NOL4L: variants seen among roughly 807,000 people sequenced by gnomAD.
The protein encoded by NOL4L is nucleolar protein 4-like.
In NOL4L, 7 loss-of-function variants were observed where a neutral mutation model predicts 64.5. The observed-to-expected ratio is 0.11, with a 90% CI of 0.06 to 0.20. The LOEUF (loss-of-function observed/expected upper bound fraction) is 0.20. NOL4L is among the 10% of genes least tolerant of loss of function. The probability of loss-of-function intolerance (pLI) is 1.00; values close to 1 mark genes in which losing one functional copy is unlikely to be tolerated. For synonymous variants in NOL4L, 413 were observed against 401.0 expected, an observed-to-expected ratio of 1.03 and a Z score of -0.36; for missense variants, 680 against 967.1, an observed-to-expected ratio of 0.70 and a Z score of 3.94.
intron 1 of NOL4L, among the ~76,000 whole-genome samples, chr20:32,568,211 TCC>T (rs1979550831): frequency 6.6e-6 from 1 of 152,078 alleles, no homozygotes; most frequent in African/African-American, 2.4e-5. Flanking sequence ...TCATGTAGCA[TCC>T]GTTCCCCACA....
At chr20:32,452,091 G>T in intron 10 of NOL4L, 145 bp downstream of exon 10, 1 of 577,782 alleles carries the variant, frequency 1.7e-6, no homozygotes. Flanking sequence ...TGCCAGAGCC[G>T]CCCCTCCTGC....
At chr20:32,512,624 T>TC (rs139294666) in intron 3 of NOL4L, among the ~76,000 whole-genome samples, 2 of 152,250 alleles carry the variant, frequency 1.3e-5, no homozygotes, top group Non-Finnish European at 2.9e-5. Flanking sequence ...GTTTATTTTT[T>TC]CCCTGTGATT....
intron 6 of NOL4L, among the ~76,000 whole-genome samples, chr20:32,455,605 C>T (rs1353421918): frequency 2.0e-5 from 3 of 152,148 alleles, no homozygotes; most frequent in South Asian, 2.1e-4. Flanking sequence ...GGGGGGATGC[C>T]CACTGGTAGG....
intron 5 of NOL4L, among the ~76,000 whole-genome samples, chr20:32,467,137 G>A (rs1257769343): frequency 2.6e-5 from 4 of 152,274 alleles, no homozygotes; most frequent in East Asian, 3.9e-4. Flanking sequence ...ACGGCTTCAC[G>A]CTGTGCTGGG....
intron 4 of NOL4L, among the ~76,000 whole-genome samples, chr20:32,488,859 C>A (rs904810134): frequency 1.7e-4 from 13 of 76,770 alleles, no homozygotes; most frequent in African/African-American, 9.0e-4. Context: ...TTCTTTCTTT[C>A]TTTCTTTCTT....
intron 10 of NOL4L, among the ~76,000 whole-genome samples, chr20:32,451,109 G>T (rs2012855915): frequency 1.3e-5 from 2 of 152,146 alleles, no homozygotes; most frequent in African/African-American, 4.8e-5. Flanking sequence ...TGGGGGCTTA[G>T]GGAATCCTCA....
chr20:32,448,872 A>G (rs1252292834), intron 10 of NOL4L, among the ~76,000 whole-genome samples: 2 of 152,104 alleles, frequency 1.3e-5, no homozygotes, highest in Admixed American at 6.5e-5. Flanking sequence ...TCATTGGCAA[A>G]TTCTTTAACT....
intron 4 of NOL4L, among the ~76,000 whole-genome samples, chr20:32,499,978 A>C (rs770108178): frequency 1.8e-4 from 28 of 152,154 alleles, no homozygotes; most frequent in African/African-American, 6.5e-4. Flanking sequence ...GTAAGTTTTA[A>C]AGGTGTCATC....
At chr20:32,554,912 C>G (rs1264634058) in intron 1 of NOL4L, among the ~76,000 whole-genome samples, 6 of 152,166 alleles carry the variant, frequency 3.9e-5, no homozygotes, top group Admixed American at 3.9e-4. Context: ...AGCTCCCAGC[C>G]CCAAAAGGCT....
At chr20:32,511,207 C>T in intron 4 of NOL4L, 140 bp downstream of exon 4, 2 of 588,206 alleles carry the variant, frequency 3.4e-6, no homozygotes, top group Non-Finnish European at 6.1e-6. Context: ...TCCGCCTGGA[C>T]AACCCAGATA....
chr20:32,489,496 A>G (rs1276352253), intron 4 of NOL4L, among the ~76,000 whole-genome samples: 1 of 152,090 alleles, frequency 6.6e-6, no homozygotes, highest in Non-Finnish European at 1.5e-5. Flanking sequence ...CTGGAATTAC[A>G]GGCATGTGCC....
intron 4 of NOL4L, among the ~76,000 whole-genome samples, chr20:32,500,873 T>A (rs2016897388): frequency 6.6e-6 from 1 of 152,154 alleles, no homozygotes; most frequent in Non-Finnish European, 1.5e-5. Flanking sequence ...TATTGAATGA[T>A]CATCAAAGCA....
intron 4 of NOL4L, among the ~76,000 whole-genome samples, chr20:32,502,975 A>C (rs2016985936): frequency 6.6e-6 from 1 of 152,170 alleles, no homozygotes; most frequent in South Asian, 2.1e-4. Context: ...AAAAAAGGGT[A>C]AAGGGCCACC....
At chr20:32,452,829 C>G in intron 9 of NOL4L, 55 bp downstream of exon 9, 1 of 1,606,328 alleles carries the variant, frequency 6.2e-7, no homozygotes, top group East Asian at 2.2e-5. Flanking sequence ...CATATAAGGC[C>G]TGCCCTCCCT....
intron 1 of NOL4L, among the ~76,000 whole-genome samples, chr20:32,581,763 G>A (rs1980488153): frequency 1.3e-5 from 2 of 152,144 alleles, no homozygotes; most frequent in African/African-American, 2.4e-5. Flanking sequence ...CCCAGTGCCC[G>A]CACAAGGACT....
intron 1 of NOL4L, among the ~76,000 whole-genome samples, chr20:32,563,574 T>C (rs1382263605): frequency 6.6e-6 from 1 of 152,058 alleles, no homozygotes; most frequent in African/African-American, 2.4e-5. Context: ...ATTCCTCATG[T>C]TCTCTCACCT....
At chr20:32,562,650 G>A (rs1979104679) in intron 1 of NOL4L, among the ~76,000 whole-genome samples, 1 of 152,014 alleles carries the variant, frequency 6.6e-6, no homozygotes, top group African/African-American at 2.4e-5. Flanking sequence ...CCTCCCCGGA[G>A]TCACCAGCCA....
At chr20:32,568,986 G>A (rs565476830) in intron 1 of NOL4L, among the ~76,000 whole-genome samples, 1 of 152,324 alleles carries the variant, frequency 6.6e-6, no homozygotes, top group East Asian at 1.9e-4. Context: ...AAGGCTTGAG[G>A]CATTCATTTA....
chr20:32,559,607 G>T (rs1311942209), intron 1 of NOL4L, among the ~76,000 whole-genome samples: 1 of 152,166 alleles, frequency 6.6e-6, no homozygotes, highest in East Asian at 1.9e-4. Flanking sequence ...GAGGGAATTT[G>T]CTTGGGCCAC....
Sources: allele counts gnomAD v4.1 joint callset (sites outside exome capture counted in the v4.1 genomes callset), GRCh38; gene constraint gnomAD v4.1.1; transcripts MANE v1.5; gene names NCBI Gene and HGNC (gene_info 2026-07-23, HGNC 2026-07-21).